The following MIR2052HG variants were observed in gnomAD, a reference collection of about 807,000 sequenced individuals.
MIR2052HG encodes the protein MIR2052 host gene.
At chr8:74,744,681 T>G (rs1337694435) in intron 4 of MIR2052HG, among the ~76,000 whole-genome samples, 1 of 152,182 alleles carries the variant, frequency 6.6e-6, no homozygotes, top group Non-Finnish European at 1.5e-5. Context: ...CTGCATAGTA[T>G]TCCATGGTGT....
At chr8:74,734,823 A>G (rs1809730217) in intron 4 of MIR2052HG, among the ~76,000 whole-genome samples, 2 of 152,302 alleles carry the variant, frequency 1.3e-5, no homozygotes, top group South Asian at 4.1e-4. Context: ...TTCAGAGGGG[A>G]TCCAACAGAG....
chr8:74,734,387 A>G (rs1399140060), intron 4 of MIR2052HG, among the ~76,000 whole-genome samples: 5 of 152,224 alleles, frequency 3.3e-5, no homozygotes, highest in Admixed American at 3.3e-4. Flanking sequence ...TAATTCTCAA[A>G]TGAGTTTGTA....
At chr8:74,657,265 A>C (rs1808816706) in intron 2 of MIR2052HG, among the ~76,000 whole-genome samples, 1 of 152,198 alleles carries the variant, frequency 6.6e-6, no homozygotes, top group Non-Finnish European at 1.5e-5. Flanking sequence ...CTGCAGCAGC[A>C]CCAGTCTGGG....
chr8:74,680,644 A>C (rs1809112818), intron 2 of MIR2052HG, among the ~76,000 whole-genome samples: 1 of 152,208 alleles, frequency 6.6e-6, no homozygotes, highest in South Asian at 2.1e-4. Context: ...CCATTGTGGA[A>C]GTCAGTGTGG....
At chr8:74,727,863 C>A (rs73687258) in intron 4 of MIR2052HG, among the ~76,000 whole-genome samples, 1 of 152,126 alleles carries the variant, frequency 6.6e-6, no homozygotes, top group South Asian at 2.1e-4. Flanking sequence ...TTATTAAGGA[C>A]TTTGTGTACA....
intron 4 of MIR2052HG, among the ~76,000 whole-genome samples, chr8:74,709,075 A>G (rs1809441087): frequency 6.6e-6 from 1 of 152,154 alleles, no homozygotes; most frequent in African/African-American, 2.4e-5. Context: ...TCTGCCTTGT[A>G]TCAGAAATAA....
intron 2 of MIR2052HG, among the ~76,000 whole-genome samples, chr8:74,620,820 CA>C (rs1808351098): frequency 6.6e-6 from 1 of 152,222 alleles, no homozygotes; most frequent in African/African-American, 2.4e-5. Flanking sequence ...TTCCATTCCT[CA>C]TTACTTATGC....
chr8:74,660,645 T>A (rs1245067577), intron 2 of MIR2052HG, among the ~76,000 whole-genome samples: 1 of 152,184 alleles, frequency 6.6e-6, no homozygotes, highest in Non-Finnish European at 1.5e-5. Flanking sequence ...TTGGAAAGGG[T>A]GTAGAGGACT....
intron 4 of MIR2052HG, among the ~76,000 whole-genome samples, chr8:74,742,921 C>T (rs955911632): frequency 6.6e-6 from 1 of 151,984 alleles, no homozygotes; most frequent in Admixed American, 6.6e-5. Context: ...TTCTGGGAAT[C>T]CCTTGGATGT....
intron 2 of MIR2052HG, chr8:74,615,139 G>T (rs1042997099): frequency 6.6e-6 from 1 of 152,168 alleles, no homozygotes; most frequent in Non-Finnish European, 1.5e-5. Flanking sequence ...AGAGAAGAGA[G>T]GTAAGGAAGC....
At chr8:74,640,186 C>A (rs954050178) in intron 2 of MIR2052HG, among the ~76,000 whole-genome samples, 2 of 152,118 alleles carry the variant, frequency 1.3e-5, no homozygotes, top group Non-Finnish European at 2.9e-5. Context: ...AGGCTGGACA[C>A]AGTAGCTCAC....
intron 4 of MIR2052HG, among the ~76,000 whole-genome samples, chr8:74,710,174 C>T (rs975693093): frequency 6.6e-6 from 1 of 152,060 alleles, no homozygotes; most frequent in Non-Finnish European, 1.5e-5. Flanking sequence ...AGAAAATCCT[C>T]TGGTTCCTTT....
chr8:74,678,457 G>A (rs1809079698), intron 2 of MIR2052HG, among the ~76,000 whole-genome samples: 1 of 151,718 alleles, frequency 6.6e-6, no homozygotes, highest in African/African-American at 2.4e-5. Context: ...CAGCTACTTG[G>A]GAGGCGGAGA....
Position 74,673,910 on chromosome 8 carries a change from T to TATATATAC in MIR2052HG, n.217-28468_217-28467insTATATACA, listed in dbSNP as rs1485340799. On this transcript the variant is annotated intron_variant and non_coding_transcript_variant, in intron 2 of 6. Coordinates refer to ENST00000523442, the Ensembl canonical transcript of MIR2052HG. Reference sequence around the variant, plus strand: ...TTGTATATATATATATATATATATATACACACACAAAATATCTATCTATAT... The same window carrying TATATATAC: ...TTGTATATATATATATATATATATATATATATACACACACACAAAATATCTATCTATAT... 1.7e-3 allele frequency among the ~76,000 whole-genome samples: 226 copies of TATATATAC among 133,204 alleles called. 1 individual carries two copies. Among genetic ancestry groups the TATATATAC allele is most frequent in the Non-Finnish European group, 2.2e-3 (146 of 65,592 alleles). 87.4% of individuals were successfully genotyped at this position (133,204 alleles called of 152,430 possible).
intron 2 of MIR2052HG, among the ~76,000 whole-genome samples, chr8:74,627,320 A>G (rs1198136778): frequency 3.9e-5 from 6 of 152,044 alleles, no homozygotes; most frequent in African/African-American, 1.4e-4. Flanking sequence ...TTCTAGATTG[A>G]GAACTGACAC....
intron 2 of MIR2052HG, among the ~76,000 whole-genome samples, chr8:74,634,883 G>A: frequency 6.6e-6 from 1 of 151,930 alleles, no homozygotes; most frequent in East Asian, 1.9e-4. Context: ...TTGATTAATT[G>A]ATCCACTCTT....
At chr8:74,708,222 G>A (rs1362343489) in intron 4 of MIR2052HG, among the ~76,000 whole-genome samples, 1 of 152,128 alleles carries the variant, frequency 6.6e-6, no homozygotes, top group Non-Finnish European at 1.5e-5. Flanking sequence ...CTCTGCCAAA[G>A]GAGTCATCAT....
chr8:74,707,561 T>G (rs1007800255), intron 4 of MIR2052HG, among the ~76,000 whole-genome samples: 4 of 152,080 alleles, frequency 2.6e-5, no homozygotes, highest in Admixed American at 1.3e-4. Context: ...AGTATGCAAC[T>G]CTTTGTAGTC....
chr8:74,600,252 C>G (rs60856070), intron 1 of MIR2052HG, among the ~76,000 whole-genome samples: 3,928 of 152,028 alleles, frequency 0.026, 151 homozygotes, highest in African/African-American at 0.085. Context: ...TGGCTCCTCC[C>G]TGAAAGCTCT....
Sources: allele counts gnomAD v4.1 joint callset (sites outside exome capture counted in the v4.1 genomes callset), GRCh38; gene constraint gnomAD v4.1.1; transcripts MANE v1.5; gene names NCBI Gene and HGNC (gene_info 2026-07-23, HGNC 2026-07-21).